The following ESR1 variants were observed in gnomAD, a reference collection of about 807,000 sequenced individuals.
ESR1 encodes estrogen receptor.
In ESR1, 12 loss-of-function variants were observed where a neutral mutation model predicts 52.7. That is an observed-to-expected ratio of 0.23 (90% CI 0.15 to 0.37). ESR1 has a LOEUF of 0.37. ESR1 is among the 10% of genes least tolerant of loss of function. The probability of loss-of-function intolerance (pLI) is 1.00; values close to 1 mark genes in which losing one functional copy is unlikely to be tolerated. For missense variants in ESR1, 584 were observed against 779.7 expected (o/e 0.75, Z 2.99); for synonymous variants, 305 against 316.8 (o/e 0.96, Z 0.39).
intron 4 of ESR1, among the ~76,000 whole-genome samples, chr6:151,984,758 C>T (rs1397938955): frequency 2.6e-5 from 4 of 152,092 alleles, no homozygotes; most frequent in Non-Finnish European, 5.9e-5. Flanking sequence ...ACAAAGTAAT[C>T]TCTACTCATG....
intron 5 of ESR1, among the ~76,000 whole-genome samples, chr6:152,048,080 C>T (rs1033676050): frequency 1.4e-5 from 2 of 148,076 alleles, no homozygotes; most frequent in Admixed American, 1.4e-4. Context: ...GATTAAATGT[C>T]ACTCCCTCGG....
intron 4 of ESR1, among the ~76,000 whole-genome samples, chr6:151,974,514 C>A (rs898975857): frequency 5.3e-5 from 8 of 152,098 alleles, no homozygotes; most frequent in Non-Finnish European, 8.8e-5. Flanking sequence ...CTAGGACTTA[C>A]AATCAGAAAT....
intron 2 of ESR1, among the ~76,000 whole-genome samples, chr6:151,793,068 G>A (rs1027241001): frequency 1.4e-4 from 21 of 152,080 alleles, no homozygotes; most frequent in African/African-American, 4.6e-4. Context: ...CTACTCGGGC[G>A]GCTGAGGCAG....
intron 2 of ESR1, among the ~76,000 whole-genome samples, chr6:151,761,964 G>A (rs1042598768): frequency 6.6e-6 from 1 of 152,200 alleles, no homozygotes; most frequent in African/African-American, 2.4e-5. Context: ...GACACACCTT[G>A]AAATTCTTCT....
rs529445602 is a variant in ESR1, at chr6:151,824,414, T to C, written c.452+16050T>C. Among the ~76,000 whole-genome samples the C allele has an allele frequency of 4.6e-5, 7 of 152,252 alleles. No individual in the cohort carries two copies. In the South Asian group the frequency reaches 6.2e-4, roughly 14 times the overall value. Reference sequence around the variant, plus strand: ...TAGATTGCAAAAATTTTCTCCCATTTTGTAGGTTGCCTGTTCACTCTGACG... The same window carrying C: ...TAGATTGCAAAAATTTTCTCCCATTCTGTAGGTTGCCTGTTCACTCTGACG... On this transcript the variant is annotated intron_variant, in intron 1 of 7. Coordinates refer to ENST00000206249, the MANE Select transcript of ESR1 (RefSeq NM_000125.4).
intron 2 of ESR1, among the ~76,000 whole-genome samples, chr6:151,703,970 C>G (rs912543901): frequency 2.0e-5 from 3 of 152,170 alleles, no homozygotes; most frequent in Non-Finnish European, 4.4e-5. Flanking sequence ...TAGGTTGGGT[C>G]ACCAGAATAA....
At chr6:152,088,744 C>G (rs990705921) in intron 6 of ESR1, among the ~76,000 whole-genome samples, 2 of 152,178 alleles carry the variant, frequency 1.3e-5, no homozygotes, top group Non-Finnish European at 2.9e-5. Flanking sequence ...TTCTCAACCT[C>G]CATAACTGTA....
Position 152,053,063 on chromosome 6 carries a change from T to C in ESR1, c.1236-7928T>C, listed in dbSNP as rs1284876530. Reference sequence around the variant, plus strand: ...TCACATTTGTTTAGTAAAAAAATTGTTTACTAAAAAATTAACCTCTCAGAA... The same window carrying C: ...TCACATTTGTTTAGTAAAAAAATTGCTTACTAAAAAATTAACCTCTCAGAA... On this transcript the variant is annotated intron_variant, in intron 5 of 7. Coordinates refer to ENST00000206249, the MANE Select transcript of ESR1 (RefSeq NM_000125.4). This position sits in a 1 kb window ranked among gnomAD's most constrained non-coding sequence, Gnocchi z 4.1. 1.3e-5 allele frequency among the ~76,000 whole-genome samples: 2 copies of C among 152,170 alleles called. No individual in the cohort carries two copies. The highest frequency in any genetic ancestry group is 2.9e-5 in the Non-Finnish European group (2 of 68,024).
At chr6:152,118,859 A>C (rs1471442647) in intron 6 of ESR1, among the ~76,000 whole-genome samples, 1 of 152,186 alleles carries the variant, frequency 6.6e-6, no homozygotes, top group Non-Finnish European at 1.5e-5. Flanking sequence ...AGCTTGGAGC[A>C]GTTCCTGCCA....
chr6:151,661,832 T>C (rs1028226523), intron 1 of ESR1, among the ~76,000 whole-genome samples: 13 of 152,188 alleles, frequency 8.5e-5, no homozygotes, highest in African/African-American at 2.9e-4. Flanking sequence ...TCCCTCTCTC[T>C]CCTGCTGCTA....
chr6:151,657,347 T>A (rs1777489621), intron 1 of ESR1, among the ~76,000 whole-genome samples: 1 of 152,222 alleles, frequency 6.6e-6, no homozygotes, highest in African/African-American at 2.4e-5. Flanking sequence ...ATTTTAGTCA[T>A]TGTAAATTAC....
Position 152,122,217 on chromosome 6 carries a change from A to T in ESR1, c.851-3049A>T, listed in dbSNP as rs187797596. 1.0e-4 allele frequency: 70 copies of T among 697,254 alleles called. No individual in the cohort carries two copies. The East Asian group carries it at 1.9e-3, about 19-fold the overall frequency. 43.2% of individuals were successfully genotyped at this position (697,254 alleles called of 1,614,324 possible). On this transcript the variant is annotated intron_variant, in intron 6 of 6. Transcript: ENST00000427531. ...GCTAAGGTTCAGAGTCTCAAACCAG[A>T]TTTCTTCCAAACCTTCTTGTTGTCT...
At chr6:151,821,344 A>G (rs546216958) in intron 1 of ESR1, among the ~76,000 whole-genome samples, 5 of 152,314 alleles carry the variant, frequency 3.3e-5, no homozygotes, top group African/African-American at 9.6e-5. Flanking sequence ...GCTTGTCTAG[A>G]CAGGCCATCT....
At chr6:151,849,964 A>C (rs1785999266) in intron 2 of ESR1, among the ~76,000 whole-genome samples, 1 of 111,308 alleles carries the variant, frequency 9.0e-6, no homozygotes, top group African/African-American at 3.4e-5. Flanking sequence ...CTTTCCACCT[A>C]GTTTCCTAGG....
At chr6:152,068,837 C>G (rs767523419) in intron 6 of ESR1, among the ~76,000 whole-genome samples, 2 of 152,116 alleles carry the variant, frequency 1.3e-5, no homozygotes, top group Non-Finnish European at 2.9e-5. Context: ...ACTGATAATG[C>G]TTGGAACTGT....
At chr6:151,963,477 A>G (rs1286964105) in intron 4 of ESR1, among the ~76,000 whole-genome samples, 1 of 152,218 alleles carries the variant, frequency 6.6e-6, no homozygotes, top group African/African-American at 2.4e-5. Flanking sequence ...ATCTTTCTCA[A>G]GAAAATGAAA....
chr6:151,808,198 G>A lies in ESR1; in HGVS notation c.286G>A (p.Gly96Ser), dbSNP rs1360635128. ...AAAFGSNGLG[G>S]FPPLNSVSPS... is the part of the protein sequence containing the mutation. ...GGCGTTCGGCTCCAACGGCCTGGGGGGTTTCCCCCCACTCAACAGCGTGTC... is the reference window on the plus strand; with the variant it reads ...GGCGTTCGGCTCCAACGGCCTGGGGAGTTTCCCCCCACTCAACAGCGTGTC... The change falls in exon 1 of 8, where the codon GGT becomes AGT. Residue 96 changes from glycine (G) to serine (S), a missense_variant. Transcript: ENST00000206249. The A allele has an allele frequency of 1.3e-6, 2 of 1,576,338 alleles. No individual in the cohort carries two copies. Among genetic ancestry groups the A allele is most frequent in the Non-Finnish European group, 1.7e-6 (2 of 1,161,044 alleles).
At chr6:151,764,596 T>C (rs1378464488) in intron 2 of ESR1, among the ~76,000 whole-genome samples, 1 of 152,124 alleles carries the variant, frequency 6.6e-6, no homozygotes, top group Non-Finnish European at 1.5e-5. Context: ...ACAAATTTAG[T>C]GGAATTTCTT....
intron 2 of ESR1, among the ~76,000 whole-genome samples, chr6:151,794,666 G>T (rs1448885025): frequency 6.6e-6 from 1 of 152,016 alleles, no homozygotes; most frequent in Non-Finnish European, 1.5e-5. Flanking sequence ...TGAAAATGTT[G>T]CAAATAGTCA....
Sources: gnomAD v4.1 joint callset for allele counts (sites outside exome capture counted in the v4.1 genomes callset) on GRCh38, gnomAD v4.1.1 for gene constraint, Gnocchi (gnomAD v3.1) non-coding constraint, MANE v1.5 for transcripts, NCBI Gene and HGNC (gene_info 2026-07-23, HGNC 2026-07-21) for gene names.